The following PAX5 variants were observed in gnomAD, a reference collection of about 807,000 sequenced individuals.
PAX5 encodes the protein paired box 5, also known as paired box protein Pax-5.
A neutral mutation model predicts 43.7 loss-of-function variants in PAX5; 9 were observed. The observed-to-expected ratio is 0.21, with a 90% confidence interval of 0.12 to 0.36. The LOEUF (loss-of-function observed/expected upper bound fraction) is 0.36. PAX5 is among the 10% of genes least tolerant of loss of function. PAX5 has a pLI of 1.00. For synonymous variants in PAX5, 228 were observed against 214.3 expected, an observed-to-expected ratio of 1.06 and a Z score of -0.56; for missense variants, 383 against 532.7, an observed-to-expected ratio of 0.72 and a Z score of 2.77.
In PAX5 at chr9:36,970,114, G is replaced by C. The variant is rs575591159; in HGVS notation, c.605-3390C>G. Among the ~76,000 whole-genome samples, 25 of 152,320 alleles carry C rather than the reference G, an allele frequency of 1.6e-4. No individual in the cohort carries two copies. The East Asian group carries it at 4.4e-3, about 27-fold the overall frequency. Reference sequence around the variant, plus strand: ...AGCCCACTTTAGTCAAGTGATCACAGGAATAAACATAGGATTACAAACAAC... The same window carrying C: ...AGCCCACTTTAGTCAAGTGATCACACGAATAAACATAGGATTACAAACAAC... On this transcript the variant is annotated intron_variant, in intron 5 of 9. Coordinates refer to ENST00000358127, the MANE Select transcript of PAX5 (RefSeq NM_016734.3).
chr9:36,966,457 A>G (rs1239190703), intron 6 of PAX5, 92 bp downstream of exon 6: 2 of 1,395,022 alleles, frequency 1.4e-6, no homozygotes, highest in Admixed American at 3.9e-5. Flanking sequence ...GTGTGCCCTC[A>G]CCCACACCCC....
chr9:36,919,970 A>G (rs530515261), intron 7 of PAX5, among the ~76,000 whole-genome samples: 1 of 152,198 alleles, frequency 6.6e-6, no homozygotes, highest in East Asian at 1.9e-4. Flanking sequence ...GCTGAAAATG[A>G]CTCACTTCAG....
intron 8 of PAX5, among the ~76,000 whole-genome samples, chr9:36,848,318 C>T (rs1260551471): frequency 1.1e-4 from 16 of 150,022 alleles, no homozygotes; most frequent in South Asian, 2.1e-4. Flanking sequence ...AGCTGGCTTC[C>T]CCCGCACCTC....
chr9:36,854,876 C>T (rs534243877), intron 8 of PAX5, among the ~76,000 whole-genome samples: 1 of 147,694 alleles, frequency 6.8e-6, no homozygotes, highest in Non-Finnish European at 1.5e-5. Context: ...CACAATGTGT[C>T]TCACTTCTGT....
At chr9:36,983,885 GTA>G (rs538902411) in intron 5 of PAX5, among the ~76,000 whole-genome samples, 363 of 152,196 alleles carry the variant, frequency 2.4e-3, no homozygotes, top group Non-Finnish European at 3.9e-3. Context: ...GCTAAAAAGG[GTA>G]TAGCTCTAGA....
chr9:36,965,948 G>A (rs755822201), intron 6 of PAX5, among the ~76,000 whole-genome samples: 86 of 152,356 alleles, frequency 5.6e-4, no homozygotes, highest in Non-Finnish European at 2.8e-4. Context: ...TCTGCCCAGG[G>A]TATAGCAGAC....
chr9:37,014,983 C>G lies in PAX5; in HGVS notation c.410+14G>C, dbSNP rs1218332496. 1.2e-6 allele frequency: 2 copies of G among 1,609,780 alleles called. No individual in the cohort carries two copies. The highest frequency in any genetic ancestry group is 2.7e-5 in the African/African-American group (2 of 74,856). On this transcript the variant is annotated intron_variant, in intron 3 of 9. Transcript: ENST00000358127. ...CCTCCAAATCCCCAACCCCCACAGG[C>G]ACGAGCCCCTCACCTGTTGATGGAA...
At chr9:36,863,932 A>C (rs188625438) in intron 8 of PAX5, among the ~76,000 whole-genome samples, 1 of 152,284 alleles carries the variant, frequency 6.6e-6, no homozygotes, top group Admixed American at 6.5e-5. Flanking sequence ...AACATGGTGA[A>C]ACCCCGTCTC....
intron 8 of PAX5, among the ~76,000 whole-genome samples, chr9:36,870,681 C>T (rs916483116): frequency 3.3e-5 from 5 of 152,180 alleles, no homozygotes; most frequent in Non-Finnish European, 7.4e-5. Flanking sequence ...TAAAAAGCTC[C>T]TGGGACTTTA....
At chr9:36,984,745 C>T (rs768566280) in intron 5 of PAX5, among the ~76,000 whole-genome samples, 21 of 152,054 alleles carry the variant, frequency 1.4e-4, no homozygotes, top group Non-Finnish European at 2.2e-4. Context: ...CATGAGCCAC[C>T]GCACCCAGCC....
chr9:36,841,097 C>T (rs1247737734), intron 9 of PAX5, among the ~76,000 whole-genome samples: 1 of 152,174 alleles, frequency 6.6e-6, no homozygotes, highest in African/African-American at 2.4e-5. Context: ...AAAAGCATTC[C>T]CTTTGTTTGG....
At chr9:36,996,759 G>A (rs774937004) in intron 5 of PAX5, among the ~76,000 whole-genome samples, 1 of 152,232 alleles carries the variant, frequency 6.6e-6, no homozygotes. Flanking sequence ...CTCCCGTGGA[G>A]GTCTGCTGGG....
chr9:36,992,967 G>A (rs912529738), intron 5 of PAX5, among the ~76,000 whole-genome samples: 3 of 152,232 alleles, frequency 2.0e-5, no homozygotes, highest in Admixed American at 2.0e-4. Flanking sequence ...CGTGCAGAAT[G>A]TGCAGGTTTG....
rs373051837 is a variant in PAX5, at chr9:37,020,683, G to A, written c.165C>T (p.Ser55=). 2.5e-6 allele frequency: 4 copies of A among 1,614,202 alleles called. No individual in the cohort carries two copies. In the Admixed American group the frequency reaches 5.0e-5, roughly 20 times the overall value. The change falls in exon 2 of 10, where the codon TCC becomes TCT. Residue 55 remains serine (S), a synonymous_variant. Transcript: ENST00000358127. ...AACCATGGCTGACCCGAAGCTGCCT[G>A]GAGATGTCGCAGGGCCTGACACCTT... ...AHQGVRPCDI[S]RQLRVSHGCV...
At chr9:36,842,084 C>T (rs1429633949) in intron 9 of PAX5, among the ~76,000 whole-genome samples, 1 of 152,210 alleles carries the variant, frequency 6.6e-6, no homozygotes, top group Non-Finnish European at 1.5e-5. Flanking sequence ...TAGTACCTTG[C>T]TGTGCTGTTC....
Position 37,015,226 on chromosome 9 carries a change from G to A in PAX5, c.213-32C>T. 1.3e-6 allele frequency: 2 copies of A among 1,590,342 alleles called. No homozygotes were observed. The highest frequency in any genetic ancestry group is 1.7e-6 in the Non-Finnish European group (2 of 1,158,896). ...CCCAAAGAGAAAGAAGCTTAGCCAT[G>A]AGGAACCAGTAAAGTGGATATTGGC... On this transcript the variant is annotated intron_variant, in intron 2 of 9. Coordinates refer to ENST00000358127, the MANE Select transcript of PAX5 (RefSeq NM_016734.3). The surrounding 1 kb of genome is among the most constrained non-coding windows in gnomAD (Gnocchi z 4.4).
At chr9:37,026,471 T>C in intron 1 of PAX5, 1 of 1,274,434 alleles carries the variant, frequency 7.8e-7, no homozygotes, top group Non-Finnish European at 1.0e-6. Context: ...TGACCCACGG[T>C]CCGGCACCCC....
intron 2 of PAX5, among the ~76,000 whole-genome samples, chr9:37,016,708 A>G (rs911688893): frequency 9.9e-5 from 15 of 152,232 alleles, no homozygotes; most frequent in African/African-American, 3.6e-4. Context: ...ACATTTTTTA[A>G]ATGACTAATA....
chr9:36,951,544 A>G (rs760589293), intron 6 of PAX5, among the ~76,000 whole-genome samples: 16 of 152,122 alleles, frequency 1.1e-4, no homozygotes, highest in South Asian at 2.1e-4. Flanking sequence ...ATCACATTTT[A>G]TTTGGTTAGT....
Sources: gnomAD v4.1 joint callset for allele counts (sites outside exome capture counted in the v4.1 genomes callset) on GRCh38, gnomAD v4.1.1 for gene constraint, Gnocchi (gnomAD v3.1) non-coding constraint, MANE v1.5 for transcripts, NCBI Gene and HGNC (gene_info 2026-07-23, HGNC 2026-07-21) for gene names.